ANKS1B: variants seen among roughly 807,000 people sequenced by gnomAD.
ANKS1B encodes ankyrin repeat and sterile alpha motif domain containing 1B.
In ANKS1B, 36 loss-of-function variants were observed where a neutral mutation model predicts 148.3. The ratio of observed to expected loss-of-function variants is 0.24; its 90% confidence interval spans 0.19 to 0.32. The LOEUF is 0.32. Ranked by LOEUF, ANKS1B falls within the 10% of genes least tolerant of loss-of-function variation. The probability of loss-of-function intolerance (pLI) is 1.00; values close to 1 mark genes in which losing one functional copy is unlikely to be tolerated. For synonymous variants in ANKS1B, 542 were observed against 560.8 expected, an observed-to-expected ratio of 0.97 and a Z score of 0.47; for missense variants, 1,157 against 1,542.6, an observed-to-expected ratio of 0.75 and a Z score of 4.19.
chr12:99,732,871 TTA>T (rs1302838447), intron 8 of ANKS1B, among the ~76,000 whole-genome samples: 1 of 152,240 alleles, frequency 6.6e-6, no homozygotes, highest in African/African-American at 2.4e-5. Flanking sequence ...GATTCTGAAA[TTA>T]TGTTAGATAT....
chr12:98,768,646 A>C (rs2098521579), intron 25 of ANKS1B, among the ~76,000 whole-genome samples: 1 of 150,772 alleles, frequency 6.6e-6, no homozygotes, highest in African/African-American at 2.4e-5. Context: ...AGGCAGGAGA[A>C]TGGCGTGAAC....
chr12:98,911,444 C>T (rs1366564514), intron 17 of ANKS1B, among the ~76,000 whole-genome samples: 1 of 152,142 alleles, frequency 6.6e-6, no homozygotes, highest in Non-Finnish European at 1.5e-5. Context: ...CAAATATTTA[C>T]TGAGTAAAAA....
At chr12:98,932,665 A>C (rs2099814740) in intron 17 of ANKS1B, among the ~76,000 whole-genome samples, 1 of 152,212 alleles carries the variant, frequency 6.6e-6, no homozygotes, top group Non-Finnish European at 1.5e-5. Flanking sequence ...TTGCTAAACT[A>C]ATTGTTATTA....
At chr12:99,002,033 T>C (rs2099933301) in intron 17 of ANKS1B, among the ~76,000 whole-genome samples, 1 of 152,346 alleles carries the variant, frequency 6.6e-6, no homozygotes, top group East Asian at 1.9e-4. Flanking sequence ...ATACATATTG[T>C]CTTTATCCAT....
intron 8 of ANKS1B, among the ~76,000 whole-genome samples, chr12:99,753,867 C>CA (rs2061336024): frequency 1.3e-5 from 2 of 151,820 alleles, no homozygotes; most frequent in South Asian, 2.1e-4. Context: ...TCTAAAAATA[C>CA]AAAAAATCAG....
intron 17 of ANKS1B, among the ~76,000 whole-genome samples, chr12:98,992,619 G>T (rs555191233): frequency 6.6e-6 from 1 of 152,162 alleles, no homozygotes; most frequent in African/African-American, 2.4e-5. Context: ...AGAACTGTGA[G>T]TCAATTAAAC....
chr12:99,869,063 T>C (rs917048354), intron 1 of ANKS1B, among the ~76,000 whole-genome samples: 1 of 151,886 alleles, frequency 6.6e-6, no homozygotes, highest in Non-Finnish European at 1.5e-5. Flanking sequence ...TCTCAAAAAA[T>C]AAATAAATAA....
intron 9 of ANKS1B, among the ~76,000 whole-genome samples, chr12:99,570,057 A>G (rs1478765928): frequency 6.6e-6 from 1 of 152,116 alleles, no homozygotes; most frequent in Non-Finnish European, 1.5e-5. Context: ...TCACCCAAGT[A>G]TCTTTTGGTT....
At chr12:99,062,264 T>C (rs890089468) in intron 16 of ANKS1B, among the ~76,000 whole-genome samples, 1 of 152,234 alleles carries the variant, frequency 6.6e-6, no homozygotes, top group African/African-American at 2.4e-5. Flanking sequence ...CGTTGCCATA[T>C]GTATTCAATG....
At chr12:99,306,190 A>G (rs2082314795) in intron 12 of ANKS1B, among the ~76,000 whole-genome samples, 1 of 152,058 alleles carries the variant, frequency 6.6e-6, no homozygotes, top group South Asian at 2.1e-4. Context: ...AGTTGTTAAT[A>G]AAGTAATTTT....
At chr12:99,070,792 T>C (rs373909594) in intron 16 of ANKS1B, among the ~76,000 whole-genome samples, 15 of 152,256 alleles carry the variant, frequency 9.9e-5, no homozygotes, top group East Asian at 5.8e-4. Context: ...AGCTCCTGAG[T>C]AGCTAGGAGT....
At chr12:99,037,222 C>T (rs1178768162) in intron 17 of ANKS1B, among the ~76,000 whole-genome samples, 2 of 152,146 alleles carry the variant, frequency 1.3e-5, no homozygotes, top group African/African-American at 4.8e-5. Context: ...ACTAAACATT[C>T]TTATGGCAAC....
chr12:99,602,384 T>G (rs1344818325), intron 9 of ANKS1B, among the ~76,000 whole-genome samples: 1 of 152,098 alleles, frequency 6.6e-6, no homozygotes, highest in Non-Finnish European at 1.5e-5. Flanking sequence ...GTCCTCCATA[T>G]GGTGTGAGTA....
intron 15 of ANKS1B, among the ~76,000 whole-genome samples, chr12:99,136,966 C>T (rs560858357): frequency 2.4e-4 from 36 of 152,236 alleles, no homozygotes; most frequent in African/African-American, 8.7e-4. Context: ...ATCAATCAAA[C>T]GGCTAACCAG....
chr12:99,110,147 T>C (rs1332884485), intron 15 of ANKS1B, among the ~76,000 whole-genome samples: 1 of 152,170 alleles, frequency 6.6e-6, no homozygotes. Flanking sequence ...TAAAGTTCTC[T>C]GATAGCAAAG....
intron 12 of ANKS1B, among the ~76,000 whole-genome samples, chr12:99,277,494 T>C (rs975630349): frequency 1.3e-5 from 2 of 152,128 alleles, no homozygotes; most frequent in African/African-American, 2.4e-5. Flanking sequence ...TGGAGAGAAA[T>C]ATAAAATAAT....
At chr12:99,812,387 T>TACTA (rs2068480561) in intron 2 of ANKS1B, 76 bp from the exon 3 acceptor site, 3 of 1,442,304 alleles carry the variant, frequency 2.1e-6, no homozygotes, top group Non-Finnish European at 2.8e-6. Context: ...TTTAAAAGAA[T>TACTA]ACTAGATGCT....
intron 17 of ANKS1B, among the ~76,000 whole-genome samples, chr12:98,835,106 T>TATTATC (rs1335166881): frequency 2.6e-5 from 1 of 38,628 alleles, no homozygotes; most frequent in African/African-American, 2.4e-4. Context: ...TAATTATTAT[T>TATTATC]ATTATTATTA....
chr12:98,869,167 C>A (rs1372718039), intron 17 of ANKS1B, among the ~76,000 whole-genome samples: 3 of 152,152 alleles, frequency 2.0e-5, no homozygotes, highest in African/African-American at 7.2e-5. Context: ...CCATAAGCTC[C>A]ATGAGGAAGG....
Sources: gnomAD v4.1 joint callset for allele counts (sites outside exome capture counted in the v4.1 genomes callset) on GRCh38, gnomAD v4.1.1 for gene constraint, MANE v1.5 for transcripts, NCBI Gene and HGNC (gene_info 2026-07-23, HGNC 2026-07-21) for gene names.